SLC1A6: variants seen among roughly 807,000 people sequenced by gnomAD.
SLC1A6 encodes excitatory amino acid transporter 4.
A neutral mutation model predicts 42.1 loss-of-function variants in SLC1A6; 15 were observed. The observed-to-expected ratio is 0.36, with a 90% CI of 0.24 to 0.55. SLC1A6 has a LOEUF of 0.55. Among genes scored for constraint, SLC1A6 ranks in the 20% least tolerant of loss-of-function variants. The pLI, the probability that SLC1A6 is intolerant of heterozygous loss-of-function variation, is 0.88. For missense variants in SLC1A6, 542 were observed against 772.5 expected (o/e 0.70, Z 3.54); for synonymous variants, 317 against 319.7 (o/e 0.99, Z 0.09).
intron 1 of SLC1A6, among the ~76,000 whole-genome samples, chr19:15,008,243 A>T (rs2045906065): frequency 6.6e-6 from 1 of 151,242 alleles, no homozygotes; most frequent in Non-Finnish European, 1.5e-5. Flanking sequence ...TTTTTGGGAG[A>T]CTGAGGCAGA....
chr19:14,974,342 G>A (rs1029666919), intron 1 of SLC1A6: 3 of 152,108 alleles, frequency 2.0e-5, no homozygotes, highest in African/African-American at 7.2e-5. Flanking sequence ...GGACGACAGA[G>A]TGAGACTCTG....
At chr19:15,008,067 G>A (rs1319080450) in intron 1 of SLC1A6, among the ~76,000 whole-genome samples, 1 of 151,246 alleles carries the variant, frequency 6.6e-6, no homozygotes, top group Non-Finnish European at 1.5e-5. Context: ...AATGAGTCTG[G>A]GTGCAGTGGC....
At chr19:15,002,311 TG>T (rs571308363) in intron 1 of SLC1A6, among the ~76,000 whole-genome samples, 105 of 152,220 alleles carry the variant, frequency 6.9e-4, no homozygotes, top group African/African-American at 2.5e-3. Flanking sequence ...TTTTGTTTTT[TG>T]TTTTTAAGAA....
At chr19:14,951,078 CAAAAAAAAAA>C (rs59828742) in intron 9 of SLC1A6, among the ~76,000 whole-genome samples, 1 of 79,806 alleles carries the variant, frequency 1.3e-5, no homozygotes, top group Non-Finnish European at 2.3e-5. Context: ...ACTAAAAATA[CAAAAAAAAAA>C]AAAAAAAAAA....
At position 14,979,096 on chromosome 19, in the gene SLC1A6, ACT is replaced by A. The variant is rs1491543181; in HGVS notation, c.-8+211_-8+212del. 6.7e-4 allele frequency among the ~76,000 whole-genome samples: 96 copies of A among 142,400 alleles called. No homozygotes were observed. The highest frequency in any genetic ancestry group is 2.6e-3 in the African/African-American group (95 of 36,754). The allele number at this position is 142,400 out of a possible 152,430, so 93.4% of individuals were successfully genotyped here. A position where few individuals can be genotyped will look rare whatever the true frequency, so the allele number is the denominator to read the frequency against. ...CACACACACACACACACACACACAC[ACT>A]AATGCCCAGACCCTCTGCAGCCTCA... On this transcript the variant is annotated intron_variant, in intron 1 of 9. Coordinates refer to ENST00000594383, the MANE Select transcript of SLC1A6 (RefSeq NM_005071.3). The surrounding 1 kb of genome is among the most constrained non-coding windows in gnomAD (Gnocchi z 4.2).
chr19:14,971,881 C>A lies in SLC1A6; in HGVS notation c.206-7G>T. The A allele has an allele frequency of 6.2e-7, 1 of 1,613,746 alleles. No homozygotes were observed. Among genetic ancestry groups the A allele is most frequent in the Non-Finnish European group, 8.5e-7 (1 of 1,179,860 alleles). On this transcript the variant is annotated splice_polypyrimidine_tract_variant and splice_region_variant and intron_variant, in intron 2 of 9. Coordinates refer to ENST00000594383, the MANE Select transcript of SLC1A6 (RefSeq NM_005071.3). ...GCAAAGGCCAGGCTGACCCCTAGGG[C>A]CAAAAGAAGGGGTCCATGGACTGAA...
rs1462432831 is a variant in SLC1A6, at chr19:14,962,304, C to T, written c.633G>A (p.Met211Ile). The change falls in exon 6 of 10, where the codon ATG becomes ATA. Residue 211 changes from methionine to isoleucine, a missense_variant. By Grantham distance (10) the Met-to-Ile change is conservative (BLOSUM62 1). Transcript: ENST00000594383. ...QYSTRVVTRT[M>I]VRTENGSEPG... is the part of the protein sequence containing the mutation. ...GCTCAGACCCGTTCTCTGTCCTCACCATGGTCCTGGTTACCACCCTCGTGC... is the reference window on the plus strand; with the variant it reads ...GCTCAGACCCGTTCTCTGTCCTCACTATGGTCCTGGTTACCACCCTCGTGC... The T allele has an allele frequency of 5.6e-6, 9 of 1,614,164 alleles. No individual in the cohort carries two copies. Among genetic ancestry groups the T allele is most frequent in the Non-Finnish European group, 7.6e-6 (9 of 1,180,032 alleles).
upstream of SLC1A6, among the ~76,000 whole-genome samples, chr19:14,981,817 G>A (rs1193303968): frequency 6.6e-6 from 1 of 152,146 alleles, no homozygotes. Context: ...CAATAGAGAG[G>A]CATCCGATAA....
At chr19:15,002,932 T>G (rs1424724469) in intron 1 of SLC1A6, among the ~76,000 whole-genome samples, 1 of 152,088 alleles carries the variant, frequency 6.6e-6, no homozygotes, top group Non-Finnish European at 1.5e-5. Context: ...TCGGTTTGTG[T>G]TTTTCATTTT....
intron 4 of SLC1A6, among the ~76,000 whole-genome samples, chr19:14,966,359 G>A (rs2045573936): frequency 6.6e-6 from 1 of 151,978 alleles, no homozygotes; most frequent in Non-Finnish European, 1.5e-5. Flanking sequence ...CAGTGTGGTG[G>A]CGTGCACCTG....
At chr19:14,956,802 C>T (rs566504499) in intron 6 of SLC1A6, 93 bp from the exon 7 acceptor site, 1 of 779,294 alleles carries the variant, frequency 1.3e-6, no homozygotes, top group East Asian at 2.6e-5. Context: ...CCATATAGGG[C>T]CCTGGAGCCA....
chr19:14,972,658 G>T, intron 2 of SLC1A6, 48 bp downstream of exon 2: 2 of 1,530,600 alleles, frequency 1.3e-6, no homozygotes, highest in Non-Finnish European at 9.0e-7. Context: ...TTTCCCTGAA[G>T]TCCCCGCCTT....
At chr19:14,983,428 A>T (rs960900140), upstream of SLC1A6, among the ~76,000 whole-genome samples, 1 of 151,976 alleles carries the variant, frequency 6.6e-6, no homozygotes, top group Admixed American at 6.6e-5. Context: ...CACACTTGCA[A>T]TCCCAGCCGC....
intron 4 of SLC1A6, among the ~76,000 whole-genome samples, chr19:14,966,929 C>T (rs973552376): frequency 3.3e-5 from 5 of 151,850 alleles, no homozygotes; most frequent in African/African-American, 9.7e-5. Flanking sequence ...CTAATGCATG[C>T]GGGGCTTAAA....
intron 1 of SLC1A6, among the ~76,000 whole-genome samples, chr19:14,986,100 A>C (rs1250567413): frequency 1.2e-5 from 1 of 83,752 alleles, no homozygotes; most frequent in Non-Finnish European, 2.4e-5. Flanking sequence ...CACAAGCAGT[A>C]ATTTTTTTTT....
At chr19:14,987,519 A>G (rs1286169629) in intron 1 of SLC1A6, among the ~76,000 whole-genome samples, 1 of 151,998 alleles carries the variant, frequency 6.6e-6, no homozygotes, top group South Asian at 2.1e-4. Context: ...TCAGGAAAAG[A>G]ATATATGGAG....
At chr19:15,008,509 A>C (rs1442725428) in intron 1 of SLC1A6, among the ~76,000 whole-genome samples, 1 of 152,188 alleles carries the variant, frequency 6.6e-6, no homozygotes, top group Non-Finnish European at 1.5e-5. Flanking sequence ...CAATTTCTCA[A>C]AGAACTAAAA....
intron 8 of SLC1A6, 28 bp downstream of exon 8, chr19:14,954,107 C>CT (rs751676484): frequency 1.6e-5 from 25 of 1,554,362 alleles, no homozygotes; most frequent in Non-Finnish European, 2.2e-5. Context: ...GTCTCACCTG[C>CT]TGGCAGGTCC....
At chr19:14,988,077 G>C (rs1036052667) in intron 1 of SLC1A6, among the ~76,000 whole-genome samples, 2 of 152,174 alleles carry the variant, frequency 1.3e-5, no homozygotes, top group African/African-American at 4.8e-5. Flanking sequence ...GGAGGCTGAG[G>C]CAGGAGAATT....
Sources: allele counts gnomAD v4.1 joint callset (sites outside exome capture counted in the v4.1 genomes callset), GRCh38; gene constraint gnomAD v4.1.1; non-coding constraint Gnocchi (gnomAD v3.1); transcripts MANE v1.5; gene names NCBI Gene and HGNC (gene_info 2026-07-23, HGNC 2026-07-21).